Variants in CPEB4 observed in about 807,000 individuals in gnomAD.
CPEB4 encodes cytoplasmic polyadenylation element binding protein 4.
CPEB4 carries 12 observed loss-of-function variants against 72.5 expected under a neutral mutation model. The observed-to-expected ratio is 0.17, with a 90% confidence interval of 0.11 to 0.27. CPEB4 has a LOEUF of 0.27. Among genes scored for constraint, CPEB4 ranks in the 10% least tolerant of loss-of-function variants. CPEB4 has a pLI of 1.00. For missense variants in CPEB4, 614 were observed against 908.5 expected, an observed-to-expected ratio of 0.68 and a Z score of 4.17; for synonymous variants, 302 against 326.3, an observed-to-expected ratio of 0.93 and a Z score of 0.80.
In CPEB4 at chr5:173,890,118, G is replaced by T. The variant is rs1447897655; in HGVS notation, c.385G>T (p.Gly129Trp). 6.2e-7 allele frequency: 1 copy of T among 1,614,048 alleles called. No individual in the cohort carries two copies. Among genetic ancestry groups the T allele is most frequent in the Non-Finnish European group, 8.5e-7 (1 of 1,180,038 alleles). ...QGDNSSENGNGKEKIRIESPV... is the reference protein window; with the variant it reads ...QGDNSSENGNWKEKIRIESPV... ...GGACAATTCTTCGGAAAATGGCAATGGGAAGGAGAAAATAAGGATCGAATC... is the reference window on the plus strand; with the variant it reads ...GGACAATTCTTCGGAAAATGGCAATTGGAAGGAGAAAATAAGGATCGAATC... The change falls in exon 1 of 10, where the codon GGG (glycine) becomes TGG (tryptophan). Residue 129 changes from glycine to tryptophan, a missense_variant. Gly to Trp is a radical substitution (Grantham distance 184, BLOSUM62 -2). This residue lies in a region of CPEB4 where 458 missense variants were observed against 548.6 expected (regional missense o/e 0.83). Transcript: ENST00000265085.
At chr5:173,919,400 G>A (rs1271564763) in intron 2 of CPEB4, among the ~76,000 whole-genome samples, 1 of 152,196 alleles carries the variant, frequency 6.6e-6, no homozygotes, top group Non-Finnish European at 1.5e-5. Flanking sequence ...CCTTCCTACT[G>A]TAAAAAAGAG....
At chr5:173,912,626 A>ATT (rs80201581) in intron 2 of CPEB4, among the ~76,000 whole-genome samples, 7 of 143,542 alleles carry the variant, frequency 4.9e-5, no homozygotes, top group East Asian at 2.0e-4. Flanking sequence ...TAATAAAATA[A>ATT]TTTTTTTTTT....
intron 2 of CPEB4, among the ~76,000 whole-genome samples, chr5:173,924,204 A>G (rs1207190138): frequency 5.9e-5 from 9 of 152,198 alleles, no homozygotes; most frequent in African/African-American, 2.2e-4. Flanking sequence ...TTGAAACATT[A>G]AATTTGGGGT....
rs138267125 is a variant in CPEB4, at chr5:173,904,678, A to C, written c.1126-5845A>C. Reference sequence around the variant, plus strand: ...GGTTCTTTGCCATGATCATTACCCTACCCAAGGAAGGATCACTTACTTGGT... The same window carrying C: ...GGTTCTTTGCCATGATCATTACCCTCCCCAAGGAAGGATCACTTACTTGGT... On this transcript the variant is annotated intron_variant, in intron 1 of 9. Transcript: ENST00000265085. 5.9e-3 allele frequency among the ~76,000 whole-genome samples: 895 copies of C among 150,466 alleles called. 3 individuals are homozygous for C. Among genetic ancestry groups the C allele is most frequent in the Middle Eastern group, 0.017 (5 of 290 alleles).
In CPEB4 at chr5:173,949,584, T is replaced by C. The variant is rs768088654; in HGVS notation, c.1533T>C (p.Tyr511=). ...CTCATAAAGCTGAGAGCAAATCCTA[T>C]TTTCCTCCTAAAGGTAATTCTCAAG... ...DWPHKAESKS[Y]FPPKGYAFLL... The change falls in exon 6 of 10, where the codon TAT becomes TAC. Residue 511 remains tyrosine (Y), a synonymous_variant. Coordinates refer to ENST00000265085, the MANE Select transcript of CPEB4 (RefSeq NM_030627.4). The C allele has an allele frequency of 1.2e-6, 2 of 1,610,486 alleles. No individual in the cohort carries two copies. Among genetic ancestry groups the C allele is most frequent in the Admixed American group, 3.3e-5 (2 of 59,886 alleles).
At chr5:173,952,971 TTAA>T in intron 8 of CPEB4, 117 bp from the exon 9 acceptor site, 1 of 756,956 alleles carries the variant, frequency 1.3e-6, no homozygotes, top group South Asian at 2.7e-5. Flanking sequence ...ATGTTTCATT[TTAA>T]TAATTATTAT....
At chr5:173,937,485 T>C (rs1024788528) in intron 3 of CPEB4, among the ~76,000 whole-genome samples, 2 of 152,208 alleles carry the variant, frequency 1.3e-5, no homozygotes, top group Non-Finnish European at 2.9e-5. Flanking sequence ...GTGTGTAATA[T>C]GGTTCTAGTT....
At chr5:173,917,646 A>G (rs1033275120) in intron 2 of CPEB4, among the ~76,000 whole-genome samples, 2 of 152,202 alleles carry the variant, frequency 1.3e-5, no homozygotes, top group African/African-American at 2.4e-5. Context: ...GAACCGCTTG[A>G]ACCTGGCAGG....
intron 2 of CPEB4, among the ~76,000 whole-genome samples, chr5:173,911,279 A>T (rs11134823): frequency 0.63 from 94,244 of 148,928 alleles, 30,773 homozygotes; most frequent in Non-Finnish European, 0.72. Flanking sequence ...GCATGTTTTT[A>T]TTTTTTTTTG....
At chr5:173,947,416 G>A (rs1267872587) in intron 5 of CPEB4, among the ~76,000 whole-genome samples, 1 of 152,078 alleles carries the variant, frequency 6.6e-6, no homozygotes, top group Non-Finnish European at 1.5e-5. Context: ...GGCTTGCTCA[G>A]AGGCCTGAGC....
At chr5:173,953,647 T>C (rs1290898146) in intron 9 of CPEB4, among the ~76,000 whole-genome samples, 1 of 152,190 alleles carries the variant, frequency 6.6e-6, no homozygotes, top group Non-Finnish European at 1.5e-5. Context: ...CTGCCCTTTT[T>C]TTTGTTTGTT....
At chr5:173,904,252 C>T (rs1250038358) in intron 1 of CPEB4, among the ~76,000 whole-genome samples, 1 of 152,150 alleles carries the variant, frequency 6.6e-6, no homozygotes, top group Non-Finnish European at 1.5e-5. Context: ...AATAACTGAA[C>T]ATATCTAATT....
At position 173,956,740 on chromosome 5, in the gene CPEB4, A is replaced by G. The variant is rs1016959681; in HGVS notation, c.*603A>G. 2.6e-5 allele frequency: 4 copies of G among 151,698 alleles called. No homozygotes were observed. Among genetic ancestry groups the G allele is most frequent in the Non-Finnish European group, 1.5e-5 (1 of 67,878 alleles). 9.4% of individuals were successfully genotyped at this position (151,698 alleles called of 1,614,324 possible). A position where few individuals can be genotyped will look rare whatever the true frequency, so the allele number is the denominator to read the frequency against. ...GCAAACAAATGCATAAGCAAGACTG[A>G]GCAGCATTATAATTAATTTTCAGGG... On this transcript the variant is annotated 3_prime_UTR_variant, in exon 10 of 10. Transcript: ENST00000265085.
At position 173,888,430 on chromosome 5, in the gene CPEB4, G is replaced by GCGA; in HGVS notation, c.-1303_-1302insGAC. On this transcript the variant is annotated 5_prime_UTR_variant, in exon 1 of 10. Coordinates refer to ENST00000265085, the MANE Select transcript of CPEB4 (RefSeq NM_030627.4). This position sits in a 1 kb window ranked among gnomAD's most constrained non-coding sequence, Gnocchi z 4.3. ...GGAGGCGGTGGCGGCGGCGGCGGCG[G>GCGA]CAGCAGCGGCGACAGCAGAGGAGGA... 1 of 459,598 alleles carries GCGA rather than the reference G, an allele frequency of 2.2e-6. No individual in the cohort carries two copies. Among genetic ancestry groups the GCGA allele is most frequent in the Non-Finnish European group, 3.8e-6 (1 of 266,140 alleles). 28.5% of individuals were successfully genotyped at this position (459,598 alleles called of 1,614,324 possible).
At chr5:173,923,605 TTAA>T (rs1474686547) in intron 2 of CPEB4, among the ~76,000 whole-genome samples, 2 of 152,222 alleles carry the variant, frequency 1.3e-5, no homozygotes, top group Non-Finnish European at 2.9e-5. Flanking sequence ...TAGGAGAATT[TTAA>T]TTTACTGCCT....
chr5:173,901,122 T>C (rs1756216115), intron 1 of CPEB4, among the ~76,000 whole-genome samples: 1 of 152,226 alleles, frequency 6.6e-6, no homozygotes. Flanking sequence ...TTAATACAAA[T>C]AAGTGATGAC....
Position 173,890,320 on chromosome 5 carries a change from C to T in CPEB4, c.587C>T (p.Pro196Leu). 1 of 1,614,166 alleles carries T rather than the reference C, an allele frequency of 6.2e-7. No individual in the cohort carries two copies. The highest frequency in any genetic ancestry group is 8.5e-7 in the Non-Finnish European group (1 of 1,180,028). ...DASFFHQGGV[P>L]AASANNGALL... is the part of the protein sequence containing the mutation. Reference sequence around the variant, plus strand: ...AGTTTCTTTCACCAGGGAGGGGTCCCTGCTGCTTCGGCTAATAACGGTGCT... The same window carrying T: ...AGTTTCTTTCACCAGGGAGGGGTCCTTGCTGCTTCGGCTAATAACGGTGCT... Residue 196 changes from proline to leucine, a missense_variant, in exon 1 of 10, where the codon CCT (proline) becomes CTT (leucine). Physicochemically the swap from Pro to Leu is moderately conservative, Grantham distance 98. Coordinates refer to ENST00000265085, the MANE Select transcript of CPEB4 (RefSeq NM_030627.4).
At chr5:173,897,088 G>C (rs906405968) in intron 1 of CPEB4, among the ~76,000 whole-genome samples, 2 of 152,170 alleles carry the variant, frequency 1.3e-5, no homozygotes, top group Non-Finnish European at 2.9e-5. Context: ...TTTTAGTCAT[G>C]CTTATCTTGC....
chr5:173,930,948 G>A (rs1261347164), intron 2 of CPEB4, among the ~76,000 whole-genome samples: 4 of 142,542 alleles, frequency 2.8e-5, no homozygotes, highest in Non-Finnish European at 6.0e-5. Flanking sequence ...CCGAGATTGC[G>A]CCACTGCACT....
Sources: allele counts gnomAD v4.1 joint callset (sites outside exome capture counted in the v4.1 genomes callset), GRCh38; gene constraint gnomAD v4.1.1; regional missense constraint gnomAD v4.1.1; non-coding constraint Gnocchi (gnomAD v3.1); transcripts MANE v1.5; gene names NCBI Gene and HGNC (gene_info 2026-07-23, HGNC 2026-07-21).